The following RBL1 variants were observed in gnomAD, a reference collection of about 807,000 sequenced individuals.
The protein encoded by RBL1 is retinoblastoma-like protein 1.
Under a neutral mutation model 123.0 loss-of-function variants are expected in RBL1, and 82 were observed. The observed-to-expected ratio is 0.67, with a 90% CI of 0.56 to 0.80. The LOEUF (loss-of-function observed/expected upper bound fraction) is 0.80. Among genes scored for constraint, RBL1 ranks in the 30% least tolerant of loss-of-function variants. The pLI is 0.00. For missense variants in RBL1, 1,171 were observed against 1,299.6 expected, an observed-to-expected ratio of 0.90 and a Z score of 1.52; for synonymous variants, 405 against 441.3, an observed-to-expected ratio of 0.92 and a Z score of 1.03.
At chr20:37,055,526 A>G in intron 11 of RBL1, 27 bp downstream of exon 11, 6 of 1,613,764 alleles carry the variant, frequency 3.7e-6, no homozygotes, top group Non-Finnish European at 5.1e-6. Context: ...GGACCTTGCC[A>G]GTAGCTCAGA....
intron 8 of RBL1, among the ~76,000 whole-genome samples, 160 bp from the exon 9 acceptor site, chr20:37,061,429 T>C (rs2065093354): frequency 6.6e-6 from 1 of 152,230 alleles, no homozygotes; most frequent in Non-Finnish European, 1.5e-5. Context: ...AATAACACTT[T>C]TTAAAAGCAC....
Position 37,089,016 on chromosome 20 carries a change from G to GT in RBL1, c.262dup (p.Thr88AsnfsTer8). The GT allele has an allele frequency of 6.2e-7, 1 of 1,609,808 alleles. No homozygotes were observed. Among genetic ancestry groups the GT allele is most frequent in the Non-Finnish European group, 8.5e-7 (1 of 1,177,826 alleles). On this transcript the variant is annotated frameshift_variant, in exon 2 of 22. Transcript: ENST00000373664. LOFTEE classifies it high-confidence loss of function. Reference sequence around the variant, plus strand: ...TAATTTAGCTGAACGTAGTATTCTGGTAAGTGAAACACAGTTGCCTTCCAT... The same window carrying GT: ...TAATTTAGCTGAACGTAGTATTCTGGTTAAGTGAAACACAGTTGCCTTCCAT...
Position 37,089,092 on chromosome 20 carries a change from A to C in RBL1, c.187T>G (p.Leu63Val). 6.2e-7 allele frequency: 1 copy of C among 1,611,116 alleles called. No homozygotes were observed. Among genetic ancestry groups the C allele is most frequent in the Non-Finnish European group, 8.5e-7 (1 of 1,178,378 alleles). The change falls in exon 2 of 22, where the codon TTA (leucine) becomes GTA (valine). Residue 63 changes from leucine (L) to valine (V), a missense_variant. By Grantham distance (32) the Leu-to-Val change is conservative. Transcript: ENST00000373664. ...ATGCTTTTGCGGCATGCAACATATA[A>C]TGAACATGCCAACCAGTGTGTAACT... ...GEVTHWLACSLYVACRKSIIP... is the reference protein window; with the variant it reads ...GEVTHWLACSVYVACRKSIIP...
rs1037987415 is a variant in RBL1, at chr20:36,997,848, G to C, written c.*911C>G. 2 of 152,186 alleles carry C rather than the reference G, an allele frequency of 1.3e-5. No homozygotes were observed. The highest frequency in any genetic ancestry group is 4.8e-5 in the African/African-American group (2 of 41,528). The allele number at this position is 152,186 out of a possible 1,614,324, so 9.4% of individuals were successfully genotyped here. ...CATCAGGCTGAGATGGCTTAGGGCTGGAAAGCAAGGATGAGTGTAGCACTG... is the reference window on the plus strand; with the variant it reads ...CATCAGGCTGAGATGGCTTAGGGCTCGAAAGCAAGGATGAGTGTAGCACTG... On this transcript the variant is annotated 3_prime_UTR_variant, in exon 22 of 22. Coordinates refer to ENST00000373664, the MANE Select transcript of RBL1 (RefSeq NM_002895.5).
intron 16 of RBL1, among the ~76,000 whole-genome samples, chr20:37,028,844 T>C (rs1477545656): frequency 6.6e-6 from 1 of 152,216 alleles, no homozygotes; most frequent in Non-Finnish European, 1.5e-5. Context: ...AGGTCAAATG[T>C]ATTTTTTAAG....
At chr20:37,044,881 T>A (rs2064793285) in intron 12 of RBL1, among the ~76,000 whole-genome samples, 1 of 152,154 alleles carries the variant, frequency 6.6e-6, no homozygotes, top group South Asian at 2.1e-4. Flanking sequence ...CTATTTTGAA[T>A]GTATTGCTCC....
chr20:37,042,098 GA>G (rs1430469134), intron 13 of RBL1, among the ~76,000 whole-genome samples: 2 of 148,014 alleles, frequency 1.4e-5, no homozygotes, highest in African/African-American at 4.9e-5. Context: ...AAAAGAAAGT[GA>G]AAAGACAACC....
At chr20:37,013,741 G>A (rs1334562744) in intron 19 of RBL1, among the ~76,000 whole-genome samples, 1 of 152,074 alleles carries the variant, frequency 6.6e-6, no homozygotes. Flanking sequence ...TCTGATCCAC[G>A]GTATTTGCTT....
chr20:37,086,547 T>C (rs963749539), intron 2 of RBL1, among the ~76,000 whole-genome samples: 1 of 151,852 alleles, frequency 6.6e-6, no homozygotes, highest in Non-Finnish European at 1.5e-5. Context: ...TCTCAAAAAA[T>C]AAAAATAAAA....
Position 37,089,057 on chromosome 20 carries a change from C to T in RBL1, c.222G>A (p.Thr74=), listed in dbSNP as rs573841274. 1.1e-5 allele frequency: 18 copies of T among 1,612,102 alleles called. No homozygotes were observed. The highest frequency in any genetic ancestry group is 1.7e-4 in the Middle Eastern group (1 of 6,060). ...YVACRKSIIP[T]VGKGIMEGNC... ...TGCCTTCCATGATACCCTTTCCAAC[C>T]GTGGGAATAATGCTTTTGCGGCATG... The change falls in exon 2 of 22, where the codon ACG becomes ACA. Residue 74 remains threonine, a synonymous_variant. Transcript: ENST00000373664.
chr20:37,061,638 C>T (rs1411133583), intron 8 of RBL1, among the ~76,000 whole-genome samples: 1 of 152,188 alleles, frequency 6.6e-6, no homozygotes, highest in African/African-American at 2.4e-5. Context: ...AGATCTCTTC[C>T]TCCAACCCAT....
chr20:37,065,741 G>A (rs774564117), intron 6 of RBL1, among the ~76,000 whole-genome samples: 20 of 151,614 alleles, frequency 1.3e-4, no homozygotes, highest in Non-Finnish European at 2.6e-4. Flanking sequence ...AGCGTGCCAA[G>A]TAGCTGGGAC....
At position 37,061,380 on chromosome 20, in the gene RBL1, AT is replaced by A. The variant is rs150193787; in HGVS notation, c.1084-112del. 127 of 1,388,690 alleles carry A rather than the reference AT, an allele frequency of 9.1e-5. No individual in the cohort carries two copies. The African/African-American group carries it at 1.7e-3, about 19-fold the overall frequency. The allele number at this position is 1,388,690 out of a possible 1,614,324, so 86.0% of individuals were successfully genotyped here. On this transcript the variant is annotated intron_variant, in intron 8 of 21. Transcript: ENST00000373664. The stretch of plus-strand genomic sequence containing the variant: ...TATTCATATTTGTAATATCCATGAA[AT>A]TTTTAGCAATACTATGCTAATAACA...
intron 11 of RBL1, among the ~76,000 whole-genome samples, chr20:37,053,635 G>A (rs2064956068): frequency 6.6e-6 from 1 of 152,054 alleles, no homozygotes; most frequent in African/African-American, 2.4e-5. Flanking sequence ...TAGAAGTTTG[G>A]TGAGGTTTTT....
intron 9 of RBL1, among the ~76,000 whole-genome samples, chr20:37,060,894 G>A (rs1372558901): frequency 6.6e-6 from 1 of 152,144 alleles, no homozygotes; most frequent in African/African-American, 2.4e-5. Context: ...GACTACAGGT[G>A]TGTGCCACTG....
chr20:37,039,784 C>T (rs1033266810), intron 14 of RBL1, among the ~76,000 whole-genome samples: 1 of 151,902 alleles, frequency 6.6e-6, no homozygotes, highest in Non-Finnish European at 1.5e-5. Context: ...CTATTTCGCC[C>T]AGGCTGGGTT....
intron 16 of RBL1, among the ~76,000 whole-genome samples, chr20:37,031,623 C>A (rs1398940414): frequency 1.3e-5 from 2 of 152,204 alleles, no homozygotes; most frequent in Admixed American, 6.6e-5. Flanking sequence ...AAATGGTCCA[C>A]CCACTGTGGA....
At chr20:37,077,563 A>G (rs1252460962) in intron 2 of RBL1, among the ~76,000 whole-genome samples, 1 of 152,202 alleles carries the variant, frequency 6.6e-6, no homozygotes, top group Non-Finnish European at 1.5e-5. Flanking sequence ...CTCAAAGTGC[A>G]GTCTCCAACA....
At chr20:37,020,215 A>G (rs1278512304) in intron 18 of RBL1, among the ~76,000 whole-genome samples, 2 of 151,410 alleles carry the variant, frequency 1.3e-5, no homozygotes, top group Non-Finnish European at 2.9e-5. Context: ...CAGCCTCCCG[A>G]GTAGCAGGGA....
Sources: gnomAD v4.1 joint callset for allele counts (sites outside exome capture counted in the v4.1 genomes callset) on GRCh38, gnomAD v4.1.1 for gene constraint, MANE v1.5 for transcripts, NCBI Gene and HGNC (gene_info 2026-07-23, HGNC 2026-07-21) for gene names.